Variants in NDUFS4 observed in about 807,000 individuals in gnomAD.
NDUFS4 encodes the protein NADH dehydrogenase [ubiquinone] iron-sulfur protein 4, mitochondrial.
A neutral mutation model predicts 24.3 loss-of-function variants in NDUFS4; 28 were observed. The ratio of observed to expected loss-of-function variants is 1.15; its 90% CI spans 0.85 to 1.58. NDUFS4 has a LOEUF of 1.58. Among genes scored for constraint, NDUFS4 ranks in the 40% most tolerant of loss-of-function variants. The pLI is 0.00. For missense variants in NDUFS4, 223 were observed against 207.9 expected (o/e 1.07, Z -0.45); for synonymous variants, 93 against 69.7 (o/e 1.34, Z -1.67).
intron 1 of NDUFS4, among the ~76,000 whole-genome samples, chr5:53,563,595 G>A (rs557489196): frequency 2.6e-4 from 40 of 151,602 alleles, no homozygotes; most frequent in African/African-American, 9.7e-4. Flanking sequence ...TCTGCCTCCC[G>A]GGTTCAAGCG....
At chr5:53,564,653 C>T (rs1218355943) in intron 1 of NDUFS4, among the ~76,000 whole-genome samples, 2 of 152,130 alleles carry the variant, frequency 1.3e-5, no homozygotes, top group African/African-American at 4.8e-5. Context: ...ATCCTCCTGC[C>T]TTAGTCTTCA....
chr5:53,663,693 T>G (rs1214462076), intron 4 of NDUFS4, among the ~76,000 whole-genome samples: 7 of 152,156 alleles, frequency 4.6e-5, no homozygotes, highest in Non-Finnish European at 1.0e-4. Context: ...TGGTAGATCT[T>G]CCTCCATCCC....
chr5:53,642,318 G>A (rs1335807951), intron 2 of NDUFS4, among the ~76,000 whole-genome samples: 1 of 152,162 alleles, frequency 6.6e-6, no homozygotes, highest in Non-Finnish European at 1.5e-5. Flanking sequence ...AGACACAACT[G>A]TCACAAACAA....
chr5:53,595,888 T>C (rs1167553230), intron 1 of NDUFS4, among the ~76,000 whole-genome samples: 1 of 152,166 alleles, frequency 6.6e-6, no homozygotes, highest in Non-Finnish European at 1.5e-5. Context: ...CCTTACTTTT[T>C]CCTCCTCTAT....
chr5:53,644,290 T>C (rs1213115538), intron 2 of NDUFS4, among the ~76,000 whole-genome samples: 2 of 152,176 alleles, frequency 1.3e-5, no homozygotes, highest in East Asian at 3.8e-4. Flanking sequence ...CTCCAGCTTT[T>C]ATGAGCTCAG....
Position 53,658,636 on chromosome 5 carries a change from C to T in NDUFS4, c.424+12C>T. On this transcript the variant is annotated intron_variant, in intron 4 of 4. Coordinates refer to ENST00000296684, the MANE Select transcript of NDUFS4 (RefSeq NM_002495.4). ...TGCAGAAAAAAATGGTATGTTTGGT[C>T]TGTTTTTGACAAAGTCAAGATAATG... is the stretch of plus-strand genomic sequence containing the variant. The T allele has an allele frequency of 6.3e-7, 1 of 1,591,626 alleles. No homozygotes were observed. The highest frequency in any genetic ancestry group is 8.6e-7 in the Non-Finnish European group (1 of 1,162,870).
At chr5:53,663,544 A>T (rs956354168) in intron 4 of NDUFS4, among the ~76,000 whole-genome samples, 3 of 152,192 alleles carry the variant, frequency 2.0e-5, no homozygotes, top group Non-Finnish European at 4.4e-5. Context: ...TATTTAGGAT[A>T]GTTAGCTCTT....
chr5:53,682,278 T>C (rs988224397), intron 4 of NDUFS4, among the ~76,000 whole-genome samples: 1 of 152,134 alleles, frequency 6.6e-6, no homozygotes, highest in Non-Finnish European at 1.5e-5. Context: ...GACATACATA[T>C]ACCCAGTTTT....
chr5:53,640,237 T>C (rs1737155815), intron 2 of NDUFS4, among the ~76,000 whole-genome samples: 1 of 152,014 alleles, frequency 6.6e-6, no homozygotes, highest in African/African-American at 2.4e-5. Context: ...AAGTAGGAAC[T>C]TGAAGGGGAA....
intron 3 of NDUFS4, among the ~76,000 whole-genome samples, chr5:53,656,384 A>G (rs368746097): frequency 4.5e-4 from 68 of 152,256 alleles, no homozygotes; most frequent in Admixed American, 7.8e-4. Context: ...AGAACAAATT[A>G]TCTTTAGTGG....
chr5:53,646,961 T>TC lies in NDUFS4; in HGVS notation c.350+562dup, dbSNP rs942626107. Among the ~76,000 whole-genome samples, 9 of 151,844 alleles carry TC rather than the reference T, an allele frequency of 5.9e-5. 1 individual carries two copies. Among genetic ancestry groups the TC allele is most frequent in the Admixed American group, 4.6e-4 (7 of 15,248 alleles). On this transcript the variant is annotated intron_variant, in intron 3 of 4. Coordinates refer to ENST00000296684, the MANE Select transcript of NDUFS4 (RefSeq NM_002495.4). Reference sequence around the variant, plus strand: ...CATCCACTAGGGGTTTTGGAACTTGTCCCCCCTCAGATAAGGGGGAATACT... The same window carrying TC: ...CATCCACTAGGGGTTTTGGAACTTGTCCCCCCCTCAGATAAGGGGGAATACT...
chr5:53,571,421 C>T (rs1441113954), intron 1 of NDUFS4, among the ~76,000 whole-genome samples: 2 of 152,208 alleles, frequency 1.3e-5, no homozygotes, highest in African/African-American at 4.8e-5. Context: ...GGACAAACCA[C>T]ATTTTATTTT....
At chr5:53,665,915 G>A (rs184231260) in intron 4 of NDUFS4, among the ~76,000 whole-genome samples, 257 of 152,274 alleles carry the variant, frequency 1.7e-3, no homozygotes, top group Non-Finnish European at 3.0e-3. Context: ...CTTCTGCGTC[G>A]CTTACGCTGG....
chr5:53,608,197 T>G (rs1750587161), intron 2 of NDUFS4, among the ~76,000 whole-genome samples: 1 of 152,182 alleles, frequency 6.6e-6, no homozygotes, highest in Admixed American at 6.5e-5. Flanking sequence ...GCATTATGTC[T>G]AAAAAATAAT....
At chr5:53,670,951 A>G (rs1050205852) in intron 4 of NDUFS4, among the ~76,000 whole-genome samples, 38 of 151,586 alleles carry the variant, frequency 2.5e-4, no homozygotes, top group African/African-American at 9.2e-4. Context: ...TCTAGACTAT[A>G]TATTATTTAT....
At position 53,654,529 on chromosome 5, in the gene NDUFS4, A is replaced by G. The variant is rs566161158; in HGVS notation, c.351-4022A>G. ...TAAAATATTGGTTTTAATATTACAT[A>G]TTTTTTCTCTACGGTCTTCATTATG... On this transcript the variant is annotated intron_variant, in intron 3 of 4. Transcript: ENST00000296684. Among the ~76,000 whole-genome samples the G allele has an allele frequency of 3.3e-5, 5 of 152,138 alleles. No individual in the cohort carries two copies. The South Asian group carries it at 6.2e-4, about 19-fold the overall frequency.
At chr5:53,614,294 A>G (rs767038739) in intron 2 of NDUFS4, among the ~76,000 whole-genome samples, 5 of 151,948 alleles carry the variant, frequency 3.3e-5, no homozygotes, top group Non-Finnish European at 4.4e-5. Context: ...ATTTTTATGT[A>G]GTATCAAGCT....
At chr5:53,583,001 C>G (rs1161003199) in intron 1 of NDUFS4, among the ~76,000 whole-genome samples, 1 of 152,054 alleles carries the variant, frequency 6.6e-6, no homozygotes, top group East Asian at 1.9e-4. Context: ...TCTCAGCCTC[C>G]TGAGTAGCTG....
chr5:53,657,752 C>T (rs1231039339), intron 3 of NDUFS4, among the ~76,000 whole-genome samples: 1 of 151,702 alleles, frequency 6.6e-6, no homozygotes, highest in Admixed American at 6.6e-5. Context: ...TAGTGAAACC[C>T]CATCTCTACT....
Sources: allele counts gnomAD v4.1 joint callset (sites outside exome capture counted in the v4.1 genomes callset), GRCh38; gene constraint gnomAD v4.1.1; transcripts MANE v1.5; gene names NCBI Gene and HGNC (gene_info 2026-07-23, HGNC 2026-07-21).